Variants in DRC11 observed in about 807,000 individuals in gnomAD.
DRC11 encodes the protein IQ and AAA domain-containing protein 1.
At chr2:236,448,896 G>A in the DRC11 span, among the ~76,000 whole-genome samples, 1 of 152,158 alleles carries the variant, frequency 6.6e-6, no homozygotes, top group Non-Finnish European at 1.5e-5. The surrounding 1 kb of genome is among the most constrained non-coding windows in gnomAD (Gnocchi z 5.3). Flanking sequence ...GTCTCGCTCT[G>A]TCACCCAGGC....
the DRC11 span, among the ~76,000 whole-genome samples, chr2:236,479,616 CTA>C: frequency 1.3e-5 from 2 of 152,130 alleles, no homozygotes; most frequent in African/African-American, 4.8e-5. The surrounding 1 kb of genome is among the most constrained non-coding windows in gnomAD (Gnocchi z 4.1). Flanking sequence ...AAAGGAAAAA[CTA>C]AAACAACTAC....
At chr2:236,482,536 A>G in the DRC11 span, among the ~76,000 whole-genome samples, 2 of 152,212 alleles carry the variant, frequency 1.3e-5, no homozygotes, top group Admixed American at 1.3e-4. The surrounding 1 kb of genome is among the most constrained non-coding windows in gnomAD (Gnocchi z 4.5). Context: ...TACCTTGTCA[A>G]TAATTATAAT....
At chr2:236,503,902 G>C in the DRC11 span, among the ~76,000 whole-genome samples, 1 of 152,084 alleles carries the variant, frequency 6.6e-6, no homozygotes, top group Non-Finnish European at 1.5e-5. This position sits in a 1 kb window ranked among gnomAD's most constrained non-coding sequence, Gnocchi z 4.9. Flanking sequence ...AGCCATGAAG[G>C]TCAAATGAGA....
At chr2:236,405,912 A>G in the DRC11 span, among the ~76,000 whole-genome samples, 1 of 152,226 alleles carries the variant, frequency 6.6e-6, no homozygotes, top group South Asian at 2.1e-4. This position sits in a 1 kb window ranked among gnomAD's most constrained non-coding sequence, Gnocchi z 4.6. Flanking sequence ...GCACAATTCA[A>G]AACTCAGGAA....
chr2:236,401,654 C>T, the DRC11 span, among the ~76,000 whole-genome samples: 1 of 151,738 alleles, frequency 6.6e-6, no homozygotes, highest in Admixed American at 6.6e-5. This position sits in a 1 kb window ranked among gnomAD's most constrained non-coding sequence, Gnocchi z 4.6. Context: ...AGGCTGAGAG[C>T]GTGAAGTCAG....
At chr2:236,360,366 G>C in the DRC11 span, among the ~76,000 whole-genome samples, 2 of 152,308 alleles carry the variant, frequency 1.3e-5, no homozygotes, top group South Asian at 4.1e-4. This position sits in a 1 kb window ranked among gnomAD's most constrained non-coding sequence, Gnocchi z 5.8. Flanking sequence ...TGTAAGGACT[G>C]AGTGAGTTAA....
the DRC11 span, among the ~76,000 whole-genome samples, chr2:236,353,491 G>A: frequency 3.3e-5 from 5 of 152,234 alleles, no homozygotes; most frequent in Non-Finnish European, 7.4e-5. This position sits in a 1 kb window ranked among gnomAD's most constrained non-coding sequence, Gnocchi z 5.0. Context: ...TTGTGTTTCG[G>A]CATGCATGGG....
At chr2:236,360,807 A>G in the DRC11 span, among the ~76,000 whole-genome samples, 1 of 152,228 alleles carries the variant, frequency 6.6e-6, no homozygotes, top group African/African-American at 2.4e-5. This position sits in a 1 kb window ranked among gnomAD's most constrained non-coding sequence, Gnocchi z 5.8. Flanking sequence ...ACCATATTCC[A>G]GGACTAAGAG....
At chr2:236,395,584 A>T in the DRC11 span, among the ~76,000 whole-genome samples, 27 of 152,246 alleles carry the variant, frequency 1.8e-4, no homozygotes, top group South Asian at 4.1e-4. Context: ...AAATTTTCTG[A>T]AATGTACATA....
At chr2:236,393,961 T>C in the DRC11 span, among the ~76,000 whole-genome samples, 2 of 152,118 alleles carry the variant, frequency 1.3e-5, no homozygotes. The surrounding 1 kb of genome is among the most constrained non-coding windows in gnomAD (Gnocchi z 4.7). Flanking sequence ...CTCACGCTGA[T>C]ATGGTGATGG....
At chr2:236,481,516 G>A in the DRC11 span, among the ~76,000 whole-genome samples, 12 of 152,144 alleles carry the variant, frequency 7.9e-5, no homozygotes, top group African/African-American at 2.9e-4. Context: ...GACATTGCTG[G>A]TGATAATCTT....
the DRC11 span, among the ~76,000 whole-genome samples, chr2:236,348,926 TC>T: frequency 6.6e-6 from 1 of 152,030 alleles, no homozygotes; most frequent in African/African-American, 2.4e-5. This position sits in a 1 kb window ranked among gnomAD's most constrained non-coding sequence, Gnocchi z 7.4. Context: ...CAAATGCACA[TC>T]CAGAGCTCCA....
the DRC11 span, among the ~76,000 whole-genome samples, chr2:236,345,807 G>A: frequency 2.0e-5 from 3 of 152,222 alleles, no homozygotes; most frequent in African/African-American, 4.8e-5. Context: ...TGAATACAGC[G>A]TTATGTACTC....
At chr2:236,443,479 C>T in the DRC11 span, among the ~76,000 whole-genome samples, 1 of 152,202 alleles carries the variant, frequency 6.6e-6, no homozygotes, top group African/African-American at 2.4e-5. This position sits in a 1 kb window ranked among gnomAD's most constrained non-coding sequence, Gnocchi z 4.4. Context: ...TGAGAACATG[C>T]AGTGTTTGGT....
the DRC11 span, among the ~76,000 whole-genome samples, chr2:236,322,903 C>A: frequency 1.3e-5 from 2 of 152,294 alleles, no homozygotes; most frequent in South Asian, 4.1e-4. Context: ...ATGGACTACT[C>A]CTACTGGCAG....
chr2:236,348,416 G>C, the DRC11 span, among the ~76,000 whole-genome samples: 1 of 152,188 alleles, frequency 6.6e-6, no homozygotes, highest in Non-Finnish European at 1.5e-5. This position sits in a 1 kb window ranked among gnomAD's most constrained non-coding sequence, Gnocchi z 7.4. Context: ...GGATGGGTCC[G>C]GTCCGAACAG....
chr2:236,410,461 C>T, the DRC11 span, among the ~76,000 whole-genome samples: 19 of 151,410 alleles, frequency 1.3e-4, no homozygotes, highest in African/African-American at 4.6e-4. Context: ...GTGAAAATGG[C>T]CATACTGCCC....
At chr2:236,338,094 C>G in the DRC11 span, 4 of 1,020,296 alleles carry the variant, frequency 3.9e-6, no homozygotes, top group Non-Finnish European at 4.3e-6. Context: ...GGTGCAGGCT[C>G]CCCTCAACTC....
At chr2:236,399,591 G>T in the DRC11 span, 2 of 910,304 alleles carry the variant, frequency 2.2e-6, no homozygotes, top group Non-Finnish European at 3.6e-6. The surrounding 1 kb of genome is among the most constrained non-coding windows in gnomAD (Gnocchi z 7.0). Flanking sequence ...CGCAGGCCCA[G>T]TCCTGGTCCC....
Sources: gnomAD v4.1 joint callset for allele counts (sites outside exome capture counted in the v4.1 genomes callset) on GRCh38, gnomAD v4.1.1 for gene constraint, Gnocchi (gnomAD v3.1) non-coding constraint, MANE v1.5 for transcripts, NCBI Gene and HGNC (gene_info 2026-07-23, HGNC 2026-07-21) for gene names.